PDK1: variants seen among roughly 807,000 people sequenced by gnomAD.
PDK1 encodes the protein pyruvate dehydrogenase kinase 1.
Under a neutral mutation model 54.2 loss-of-function variants are expected in PDK1, and 39 were observed. The observed-to-expected ratio is 0.72, with a 90% CI of 0.56 to 0.94. The LOEUF (loss-of-function observed/expected upper bound fraction) is 0.94, where lower values mean the gene tolerates loss of function less well. Ranked by LOEUF, PDK1 falls within the 40% of genes least tolerant of loss-of-function variation. The probability of loss-of-function intolerance (pLI) is 0.00; values close to 1 mark genes in which losing one functional copy is unlikely to be tolerated. For missense variants in PDK1, 552 were observed against 566.0 expected (o/e 0.98, Z 0.25); for synonymous variants, 221 against 207.1 (o/e 1.07, Z -0.58).
At chr2:172,613,574 C>G (rs1691527992), downstream of PDK1, among the ~76,000 whole-genome samples, 1 of 152,130 alleles carries the variant, frequency 6.6e-6, no homozygotes, top group Non-Finnish European at 1.5e-5. Flanking sequence ...CCCACCTCAG[C>G]CTCCTGAGTA....
rs1321184719 is a variant in PDK1, at chr2:172,565,084, ACAT to A, written c.691+12_691+14del. ...TTGAAGTTATTAAAGGTAAATACTGACATTTCTCCTTGCAAAAAAAGATACAAA... is the reference window on the plus strand; with the variant it reads ...TTGAAGTTATTAAAGGTAAATACTGATTCTCCTTGCAAAAAAAGATACAAA... On this transcript the variant is annotated intron_variant, in intron 5 of 10. Coordinates refer to ENST00000282077, the MANE Select transcript of PDK1 (RefSeq NM_002610.5). The A allele has an allele frequency of 7.0e-7, 1 of 1,432,688 alleles. No homozygotes were observed. Among genetic ancestry groups the A allele is most frequent in the Admixed American group, 1.8e-5 (1 of 56,454 alleles). The allele number at this position is 1,432,688 out of a possible 1,614,324, so 88.7% of individuals were successfully genotyped here.
chr2:172,690,296 A>G, the PDK1 span, among the ~76,000 whole-genome samples: 6,640 of 150,560 alleles, frequency 0.044, 541 homozygotes, highest in African/African-American at 0.15. Flanking sequence ...CAAAACCACA[A>G]TGAGATACCA....
At chr2:172,706,262 ATTGCC>A in the PDK1 span, among the ~76,000 whole-genome samples, 1 of 147,924 alleles carries the variant, frequency 6.8e-6, no homozygotes, top group Non-Finnish European at 1.5e-5. Flanking sequence ...ACCTTTTAGG[ATTGCC>A]TTTTTTTTTT....
intron 2 of PDK1, 56 bp from the exon 3 acceptor site, chr2:172,562,164 A>G: frequency 3.3e-6 from 3 of 898,696 alleles, no homozygotes; most frequent in South Asian, 2.9e-5. Context: ...AATTTTCATG[A>G]TATTGAACTT....
chr2:172,696,408 T>G, the PDK1 span, among the ~76,000 whole-genome samples: 1 of 152,208 alleles, frequency 6.6e-6, no homozygotes, highest in Non-Finnish European at 1.5e-5. Flanking sequence ...ACCCAACTCC[T>G]GTTTTTAACA....
chr2:172,653,872 C>A, the PDK1 span, among the ~76,000 whole-genome samples: 1 of 152,034 alleles, frequency 6.6e-6, no homozygotes, highest in African/African-American at 2.4e-5. Context: ...TACAATCTAC[C>A]CATCTGACAA....
chr2:172,642,838 CTTCCTT>C, the PDK1 span, among the ~76,000 whole-genome samples: 1 of 151,592 alleles, frequency 6.6e-6, no homozygotes, highest in Non-Finnish European at 1.5e-5. Flanking sequence ...TCCTCTTCCT[CTTCCTT>C]CTCCTTCTCC....
Position 172,603,196 on chromosome 2 carries a change from G to A in PDK1, c.*7227G>A, listed in dbSNP as rs1435447228. On this transcript the variant is annotated 3_prime_UTR_variant, in exon 11 of 11. Transcript: ENST00000282077. The stretch of plus-strand genomic sequence containing the variant: ...GTTGTGAGATAAACTGCTTTTAGCA[G>A]CCCAAAGGGCCAGCTGGAAAGACGA... 6.6e-6 allele frequency: 1 copy of A among 152,110 alleles called. No individual in the cohort carries two copies. Among genetic ancestry groups the A allele is most frequent in the Non-Finnish European group, 1.5e-5 (1 of 68,014 alleles). The allele number at this position is 152,110 out of a possible 1,614,324, so 9.4% of individuals were successfully genotyped here. A position where few individuals can be genotyped will look rare whatever the true frequency, so the allele number is the denominator to read the frequency against.
At chr2:172,714,105 T>G in the PDK1 span, among the ~76,000 whole-genome samples, 1 of 152,258 alleles carries the variant, frequency 6.6e-6, no homozygotes, top group East Asian at 1.9e-4. Context: ...GAGTAGTACT[T>G]TTTGTTGCTA....
chr2:172,671,120 A>G, the PDK1 span, among the ~76,000 whole-genome samples: 1 of 151,360 alleles, frequency 6.6e-6, no homozygotes, highest in African/African-American at 2.4e-5. Context: ...GCACAACTTA[A>G]TAGCTTGTCT....
intron 2 of PDK1, among the ~76,000 whole-genome samples, chr2:172,560,612 T>C (rs190024560): frequency 6.6e-6 from 1 of 152,346 alleles, no homozygotes; most frequent in East Asian, 1.9e-4. Context: ...TGATGAAATA[T>C]ATGAAAGGAT....
At chr2:172,649,520 G>A in the PDK1 span, among the ~76,000 whole-genome samples, 19 of 151,904 alleles carry the variant, frequency 1.3e-4, no homozygotes, top group Non-Finnish European at 2.2e-4. Flanking sequence ...TCAGATGATC[G>A]GTAATAACAA....
chr2:172,591,978 C>T (rs1397998224), intron 9 of PDK1, among the ~76,000 whole-genome samples: 2 of 152,324 alleles, frequency 1.3e-5, no homozygotes, highest in East Asian at 3.9e-4. Flanking sequence ...ACTGAGTACC[C>T]ATTGTGTCTT....
At chr2:172,637,373 C>T in the PDK1 span, among the ~76,000 whole-genome samples, 1 of 152,178 alleles carries the variant, frequency 6.6e-6, no homozygotes, top group Non-Finnish European at 1.5e-5. Context: ...TTTCTCTTCA[C>T]TGGATATTCC....
At chr2:172,679,204 G>A in the PDK1 span, among the ~76,000 whole-genome samples, 1 of 152,134 alleles carries the variant, frequency 6.6e-6, no homozygotes, top group Admixed American at 6.5e-5. Flanking sequence ...CCAATGACTT[G>A]GGAGCCTGAG....
At chr2:172,571,296 T>G (rs1689243371) in intron 8 of PDK1, among the ~76,000 whole-genome samples, 1 of 152,220 alleles carries the variant, frequency 6.6e-6, no homozygotes, top group Non-Finnish European at 1.5e-5. Flanking sequence ...AGAAATGCTA[T>G]GGGACATGAT....
the PDK1 span, among the ~76,000 whole-genome samples, chr2:172,631,808 G>A: frequency 6.6e-6 from 1 of 152,144 alleles, no homozygotes; most frequent in African/African-American, 2.4e-5. Flanking sequence ...TTGGCCTGTA[G>A]CATGAGTTAA....
the PDK1 span, among the ~76,000 whole-genome samples, chr2:172,636,280 T>A: frequency 1.3e-5 from 2 of 152,176 alleles, no homozygotes; most frequent in Non-Finnish European, 2.9e-5. Flanking sequence ...GGCACTAGCA[T>A]CTGCTTCTAG....
intron 8 of PDK1, among the ~76,000 whole-genome samples, chr2:172,582,635 T>C (rs1178544844): frequency 1.3e-5 from 2 of 152,244 alleles, no homozygotes; most frequent in Non-Finnish European, 2.9e-5. Context: ...AAAGGTACCA[T>C]TCTTCTTGCC....
Sources: allele counts gnomAD v4.1 joint callset (sites outside exome capture counted in the v4.1 genomes callset), GRCh38; gene constraint gnomAD v4.1.1; transcripts MANE v1.5; gene names NCBI Gene and HGNC (gene_info 2026-07-23, HGNC 2026-07-21).